The following PTPRN2 variants were observed in gnomAD, a reference collection of about 807,000 sequenced individuals.
PTPRN2 encodes the protein receptor-type tyrosine-protein phosphatase N2.
Under a neutral mutation model 118.8 loss-of-function variants are expected in PTPRN2, and 74 were observed. The ratio of observed to expected loss-of-function variants is 0.62; its 90% CI spans 0.52 to 0.76. PTPRN2 has a LOEUF of 0.76. Ranked by LOEUF, PTPRN2 falls within the 30% of genes least tolerant of loss-of-function variation. PTPRN2 has a pLI of 0.00. For missense variants in PTPRN2, 1,481 were observed against 1,394.4 expected (o/e 1.06, Z -0.99); for synonymous variants, 641 against 608.0 (o/e 1.05, Z -0.80).
chr7:158,388,515 G>C (rs956805178), intron 2 of PTPRN2, among the ~76,000 whole-genome samples: 1 of 152,332 alleles, frequency 6.6e-6, no homozygotes, highest in East Asian at 1.9e-4. Flanking sequence ...ACTGAGGGAC[G>C]CACGGGGCAG....
At chr7:158,071,451 G>C (rs904350787) in intron 11 of PTPRN2, among the ~76,000 whole-genome samples, 16 of 47,420 alleles carry the variant, frequency 3.4e-4, no homozygotes, top group South Asian at 1.0e-3. Flanking sequence ...GGAGGTGCTC[G>C]TGGTTGAGGT....
Position 157,784,900 on chromosome 7 carries a change from G to A in PTPRN2, c.1789-101963C>T, listed in dbSNP as rs908019047. On this transcript the variant is annotated intron_variant, in intron 12 of 22. Transcript: ENST00000389418. This position sits in a 1 kb window ranked among gnomAD's most constrained non-coding sequence, Gnocchi z 4.6. Reference sequence around the variant, plus strand: ...TTGGACTTGTTCAAATGGGTGGGCAGCTGTTTCTCTGAGGAAACGCGCCCC... The same window carrying A: ...TTGGACTTGTTCAAATGGGTGGGCAACTGTTTCTCTGAGGAAACGCGCCCC... 5.3e-5 allele frequency among the ~76,000 whole-genome samples: 8 copies of A among 152,186 alleles called. No individual in the cohort carries two copies. The highest frequency in any genetic ancestry group is 1.2e-4 in the Non-Finnish European group (8 of 68,030).
rs1433072293 is a variant in PTPRN2, at chr7:158,428,578, G to C, written c.163+61157C>G. Among the ~76,000 whole-genome samples the C allele has an allele frequency of 3.3e-5, 5 of 152,158 alleles. No individual in the cohort carries two copies. The East Asian group carries it at 9.6e-4, about 29-fold the overall frequency. ...CACTATTCCACCGGAATTTTCTTATGTTCTTAAGAAACTCCTAAGAAGTAT... is the reference window on the plus strand; with the variant it reads ...CACTATTCCACCGGAATTTTCTTATCTTCTTAAGAAACTCCTAAGAAGTAT... On this transcript the variant is annotated intron_variant, in intron 2 of 22. Transcript: ENST00000389418.
At chr7:158,285,365 G>T (rs1799700158) in intron 3 of PTPRN2, among the ~76,000 whole-genome samples, 1 of 152,218 alleles carries the variant, frequency 6.6e-6, no homozygotes, top group South Asian at 2.1e-4. Context: ...ATGCAAGGCT[G>T]CAGGAGAGAC....
At chr7:157,921,626 C>A (rs1798696475) in intron 11 of PTPRN2, among the ~76,000 whole-genome samples, 1 of 152,176 alleles carries the variant, frequency 6.6e-6, no homozygotes, top group African/African-American at 2.4e-5. Context: ...GGGAGGGCTG[C>A]TGTAAGGCGA....
intron 11 of PTPRN2, among the ~76,000 whole-genome samples, chr7:157,951,541 A>T (rs1585074520): frequency 6.6e-6 from 1 of 151,540 alleles, no homozygotes; most frequent in African/African-American, 2.4e-5. Context: ...GGTCTCTGGG[A>T]CCCCCCTTCC....
intron 11 of PTPRN2, among the ~76,000 whole-genome samples, chr7:158,066,384 A>T (rs1271241730): frequency 6.6e-6 from 1 of 152,176 alleles, no homozygotes; most frequent in Non-Finnish European, 1.5e-5. Context: ...AGGCACACTG[A>T]CCTGCAGCAT....
chr7:158,224,596 C>T (rs1386162810), intron 3 of PTPRN2, among the ~76,000 whole-genome samples: 1 of 152,002 alleles, frequency 6.6e-6, no homozygotes, highest in Non-Finnish European at 1.5e-5. Context: ...AACTCATGGA[C>T]ATAAATGTAA....
At chr7:158,217,636 A>G (rs1828043550) in intron 3 of PTPRN2, among the ~76,000 whole-genome samples, 1 of 152,212 alleles carries the variant, frequency 6.6e-6, no homozygotes, top group Admixed American at 6.5e-5. Context: ...CAGACATAGG[A>G]TTCAGAGTCT....
intron 2 of PTPRN2, among the ~76,000 whole-genome samples, chr7:158,348,495 C>T (rs10243176): frequency 6.7e-4 from 67 of 100,306 alleles, no homozygotes; most frequent in Middle Eastern, 5.3e-3. Context: ...CCCTGGGGTC[C>T]CCATTCACAG....
chr7:158,234,004 A>C (rs1829346134), intron 3 of PTPRN2, among the ~76,000 whole-genome samples: 1 of 152,246 alleles, frequency 6.6e-6, no homozygotes, highest in African/African-American at 2.4e-5. Flanking sequence ...ATAAGACCCG[A>C]AACTATGAAA....
intron 12 of PTPRN2, chr7:157,865,123 C>T (rs1437112390): frequency 6.6e-6 from 1 of 152,298 alleles, no homozygotes; most frequent in Non-Finnish European, 1.5e-5. Flanking sequence ...CGGTGCACTC[C>T]CTGGGTCTGG....
Position 157,644,243 on chromosome 7 carries a change from C to T in PTPRN2, c.2196+12114G>A, listed in dbSNP as rs367585340. ...ACAGAGCAGGATGTGCTCCCACAGA[C>T]GAAAGGTTCTGGGAGGACACAGGAA... On this transcript the variant is annotated intron_variant, in intron 14 of 22. Coordinates refer to ENST00000389418, the MANE Select transcript of PTPRN2 (RefSeq NM_002847.5). Among the ~76,000 whole-genome samples, 123 of 152,324 alleles carry T rather than the reference C, an allele frequency of 8.1e-4. 1 individual carries two copies. The South Asian group carries it at 0.024, about 30-fold the overall frequency.
chr7:157,540,829 C>T (rs1238273037), intron 22 of PTPRN2, 44 bp from the exon 23 acceptor site: 13 of 1,470,836 alleles, frequency 8.8e-6, no homozygotes, highest in African/African-American at 1.4e-5. Context: ...GAGCGGCGTC[C>T]CCCCGACTCC....
chr7:157,670,668 C>T (rs576742638), intron 13 of PTPRN2, among the ~76,000 whole-genome samples: 1 of 152,272 alleles, frequency 6.6e-6, no homozygotes, highest in South Asian at 2.1e-4. Context: ...CTTCCCGGCT[C>T]CCACGGAGGA....
In PTPRN2 at chr7:158,163,096, C is replaced by T. The variant is rs972255600; in HGVS notation, c.910+3835G>A. Among the ~76,000 whole-genome samples, 3 of 152,178 alleles carry T rather than the reference C, an allele frequency of 2.0e-5. No individual in the cohort carries two copies. In the South Asian group the frequency reaches 6.2e-4, roughly 32 times the overall value. On this transcript the variant is annotated intron_variant, in intron 6 of 22. Transcript: ENST00000389418. ...ATGTCTGGATTTGCTTTAGAATCAT[C>T]CCAGGGCAGAGCAGGGGGCTGTAGT...
intron 3 of PTPRN2, among the ~76,000 whole-genome samples, chr7:158,213,207 TGTGTG>T (rs1253368360): frequency 3.3e-3 from 16 of 4,812 alleles, no homozygotes; most frequent in African/African-American, 0.031. Context: ...GCTCTGTGCT[TGTGTG>T]TGTGTGTGTG....
intron 3 of PTPRN2, among the ~76,000 whole-genome samples, chr7:158,249,020 A>G (rs1049718180): frequency 1.6e-4 from 24 of 149,552 alleles, no homozygotes; most frequent in African/African-American, 5.0e-4. Context: ...ATATGTGCAT[A>G]CATAAACACA....
At chr7:158,049,421 C>T (rs1563362061) in intron 11 of PTPRN2, among the ~76,000 whole-genome samples, 1 of 152,228 alleles carries the variant, frequency 6.6e-6, no homozygotes, top group African/African-American at 2.4e-5. Flanking sequence ...CTTCCTTTCA[C>T]AGCTCTTCAT....
Sources: allele counts gnomAD v4.1 joint callset (sites outside exome capture counted in the v4.1 genomes callset), GRCh38; gene constraint gnomAD v4.1.1; non-coding constraint Gnocchi (gnomAD v3.1); transcripts MANE v1.5; gene names NCBI Gene and HGNC (gene_info 2026-07-23, HGNC 2026-07-21).